Variants in SPECC1 observed in about 807,000 individuals in gnomAD.
SPECC1 encodes cytospin-B.
In SPECC1, 62 loss-of-function variants were observed where a neutral mutation model predicts 104.1. The ratio of observed to expected loss-of-function variants is 0.60; its 90% confidence interval spans 0.49 to 0.74. The LOEUF (loss-of-function observed/expected upper bound fraction) is 0.74, where lower values mean the gene tolerates loss of function less well. Among genes scored for constraint, SPECC1 ranks in the 30% least tolerant of loss-of-function variants. The pLI is 0.00. For synonymous variants in SPECC1, 513 were observed against 501.6 expected (o/e 1.02, Z -0.30); for missense variants, 1,306 against 1,310.5 (o/e 1.00, Z 0.05).
Position 20,317,214 on chromosome 17 carries a change from A to C in SPECC1, c.*3149A>C. 6.1e-6 allele frequency: 1 copy of C among 163,074 alleles called. No individual in the cohort carries two copies. Among genetic ancestry groups the C allele is most frequent in the East Asian group, 1.2e-4 (1 of 8,010 alleles). The allele number at this position is 163,074 out of a possible 1,614,324, so 10.1% of individuals were successfully genotyped here. On this transcript the variant is annotated 3_prime_UTR_variant, in exon 15 of 15. Transcript: ENST00000395527. ...AGGATTGCTTGAGCCCAGGAGTTTG[A>C]GACCAGCCTGGGCAACATGGCAAGA...
In SPECC1 at chr17:20,257,587, G is replaced by A; in HGVS notation, c.2817G>A (p.Trp939Ter). The A allele has an allele frequency of 6.2e-7, 1 of 1,612,484 alleles. No homozygotes were observed. Among genetic ancestry groups the A allele is most frequent in the Non-Finnish European group, 8.5e-7 (1 of 1,179,650 alleles). ...TRLLSASTRA[W>*]KPQSKLSVER... is the part of the protein sequence containing the mutation. ...TGCTGAGTGCTTCCACCCGGGCATG[G>A]AAACCACAAAGCAAACTCAGGTATC... Residue 939 changes from tryptophan (W) to a stop codon, truncating the protein, a stop_gained, in exon 11 of 15, where the codon TGG (tryptophan) becomes TGA (stop). Coordinates refer to ENST00000395527, the MANE Select transcript of SPECC1 (RefSeq NM_001243439.2). LOFTEE classifies it high-confidence loss of function.
intron 1 of SPECC1, among the ~76,000 whole-genome samples, chr17:20,076,901 A>T (rs1342758580): frequency 6.6e-6 from 1 of 152,206 alleles, no homozygotes; most frequent in Non-Finnish European, 1.5e-5. Flanking sequence ...AGAAAAACAG[A>T]ACCTCTTTAT....
At chr17:20,031,316 T>G (rs2044801977) in intron 1 of SPECC1, among the ~76,000 whole-genome samples, 1 of 152,032 alleles carries the variant, frequency 6.6e-6, no homozygotes, top group Non-Finnish European at 1.5e-5. Flanking sequence ...ATTTTTAAAT[T>G]TTTTTTATTT....
At chr17:20,199,722 T>G (rs956960334) in intron 3 of SPECC1, among the ~76,000 whole-genome samples, 5 of 152,146 alleles carry the variant, frequency 3.3e-5, no homozygotes, top group Non-Finnish European at 2.9e-5. Context: ...CTGATTGACA[T>G]TCTCACCAAC....
At chr17:20,017,065 C>G in intron 1 of SPECC1, 1 of 152,204 alleles carries the variant, frequency 6.6e-6, no homozygotes, top group East Asian at 1.9e-4. Context: ...GAGCAGTCGG[C>G]TCTCTGTAAA....
At chr17:20,265,537 T>C (rs2040189661) in intron 12 of SPECC1, among the ~76,000 whole-genome samples, 1 of 152,198 alleles carries the variant, frequency 6.6e-6, no homozygotes, top group South Asian at 2.1e-4. Context: ...TCCCATTCTA[T>C]GGGTTGTCTG....
intron 12 of SPECC1, among the ~76,000 whole-genome samples, chr17:20,274,194 C>G (rs2040500371): frequency 6.6e-6 from 1 of 152,208 alleles, no homozygotes; most frequent in African/African-American, 2.4e-5. Flanking sequence ...TTCATCATCT[C>G]TCTTGAACTA....
intron 13 of SPECC1, among the ~76,000 whole-genome samples, chr17:20,300,608 G>A (rs2041543590): frequency 6.6e-6 from 1 of 152,232 alleles, no homozygotes; most frequent in Non-Finnish European, 1.5e-5. Flanking sequence ...TTTGTTCTCA[G>A]GCTCCAAATT....
In SPECC1 at chr17:20,245,383, C is replaced by T. The variant is rs558654639; in HGVS notation, c.2352-543C>T. On this transcript the variant is annotated intron_variant, in intron 7 of 14. Coordinates refer to ENST00000395527, the MANE Select transcript of SPECC1 (RefSeq NM_001243439.2). Reference sequence around the variant, plus strand: ...AGTCTCTGTCTACATAGTGAATGCCCGGTGCCCTGCCTCTCTTCCTCTGAT... The same window carrying T: ...AGTCTCTGTCTACATAGTGAATGCCTGGTGCCCTGCCTCTCTTCCTCTGAT... Among the ~76,000 whole-genome samples, 24 of 152,246 alleles carry T rather than the reference C, an allele frequency of 1.6e-4. No individual in the cohort carries two copies. The South Asian group carries it at 2.9e-3, about 18-fold the overall frequency.
intron 12 of SPECC1, among the ~76,000 whole-genome samples, chr17:20,277,634 G>A (rs1477113105): frequency 6.6e-6 from 1 of 152,122 alleles, no homozygotes; most frequent in Non-Finnish European, 1.5e-5. Flanking sequence ...GGGGCATGAA[G>A]CACGTTCACA....
At chr17:20,282,614 G>T (rs1010132311) in intron 12 of SPECC1, among the ~76,000 whole-genome samples, 3 of 152,030 alleles carry the variant, frequency 2.0e-5, no homozygotes, top group Non-Finnish European at 4.4e-5. Context: ...GATGAAAGTG[G>T]GTTGCCCTGC....
chr17:20,104,657 C>T (rs888736051), intron 2 of SPECC1, among the ~76,000 whole-genome samples: 8 of 139,094 alleles, frequency 5.8e-5, no homozygotes, highest in African/African-American at 1.6e-4. Flanking sequence ...ACAGGAGAAT[C>T]GTTCAAATCT....
intron 10 of SPECC1, among the ~76,000 whole-genome samples, chr17:20,254,263 G>A (rs1263744799): frequency 2.0e-5 from 3 of 151,972 alleles, no homozygotes; most frequent in South Asian, 2.1e-4. Context: ...TCACATTTGC[G>A]TGGCGTCATA....
intron 7 of SPECC1, among the ~76,000 whole-genome samples, chr17:20,239,663 G>T (rs2039102724): frequency 6.6e-6 from 1 of 151,850 alleles, no homozygotes; most frequent in African/African-American, 2.4e-5. Context: ...TTTATAGAAT[G>T]GGTTTTTCAA....
At position 20,216,569 on chromosome 17, in the gene SPECC1, T is replaced by C. The variant is rs796099394; in HGVS notation, c.1863+10657T>C. 1.1e-4 allele frequency among the ~76,000 whole-genome samples: 16 copies of C among 151,926 alleles called. 1 individual carries two copies. In the South Asian group the frequency reaches 3.3e-3, roughly 32 times the overall value. ...GACCCTTGATAGGATTCTAGAGGGG[T>C]CTGACTTCAGAGCTGCCTGCTTATC... On this transcript the variant is annotated intron_variant, in intron 4 of 14. Transcript: ENST00000395527.
chr17:20,299,096 C>T (rs375833300), intron 13 of SPECC1, among the ~76,000 whole-genome samples: 63 of 151,930 alleles, frequency 4.1e-4, no homozygotes, highest in African/African-American at 1.4e-3. Flanking sequence ...GCTGGAGACT[C>T]AGGGAAGAGC....
rs565334427 is a variant in SPECC1, at chr17:20,162,683, A to G, written c.284-41650A>G. ...TCCCATCTCATTCTCAGGTTAGTTC[A>G]TTATTTCTTGGATCCTTTTTCTCTT... On this transcript the variant is annotated intron_variant, in intron 3 of 14. Transcript: ENST00000395527. Among the ~76,000 whole-genome samples, 3 of 152,264 alleles carry G rather than the reference A, an allele frequency of 2.0e-5. No individual in the cohort carries two copies. In the South Asian group the frequency reaches 6.2e-4, roughly 32 times the overall value.
intron 1 of SPECC1, among the ~76,000 whole-genome samples, chr17:20,074,561 A>G (rs1258156114): frequency 6.6e-6 from 1 of 152,154 alleles, no homozygotes; most frequent in East Asian, 1.9e-4. Context: ...GAAGGTCCAC[A>G]CTAAGTTTTC....
In SPECC1 at chr17:20,317,259, A is replaced by ATTTTTTT. The variant is rs762643888; in HGVS notation, c.*3209_*3215dup. 6,055 of 69,488 alleles carry ATTTTTTT rather than the reference A, an allele frequency of 0.087. 857 individuals carry two copies. The highest frequency in any genetic ancestry group is 0.15 in the African/African-American group (1,968 of 12,834). The allele number at this position is 69,488 out of a possible 1,614,324, so 4.3% of individuals were successfully genotyped here. ...GCAAGACCTCTGACTCTATAAAAAAATTTTTTTTTTTTTTTTTTTTTGAGA... is the reference window on the plus strand; with the variant it reads ...GCAAGACCTCTGACTCTATAAAAAAATTTTTTTTTTTTTTTTTTTTTTTTTTTTGAGA... On this transcript the variant is annotated 3_prime_UTR_variant, in exon 15 of 15. Transcript: ENST00000395527.
Sources: gnomAD v4.1 joint callset for allele counts (sites outside exome capture counted in the v4.1 genomes callset) on GRCh38, gnomAD v4.1.1 for gene constraint, MANE v1.5 for transcripts, NCBI Gene and HGNC (gene_info 2026-07-23, HGNC 2026-07-21) for gene names.